Variants in TMEM132B observed in about 807,000 individuals in gnomAD.
TMEM132B encodes the protein transmembrane protein 132B.
A neutral mutation model predicts 90.8 loss-of-function variants in TMEM132B; 18 were observed. That is an observed-to-expected ratio of 0.20 (90% CI 0.14 to 0.29). The LOEUF (loss-of-function observed/expected upper bound fraction) is 0.29. Ranked by LOEUF, TMEM132B falls within the 10% of genes least tolerant of loss-of-function variation. The probability of loss-of-function intolerance (pLI) is 1.00; values close to 1 mark genes in which losing one functional copy is unlikely to be tolerated. For synonymous variants in TMEM132B, 504 were observed against 523.3 expected, an observed-to-expected ratio of 0.96 and a Z score of 0.50; for missense variants, 1,096 against 1,326.8, an observed-to-expected ratio of 0.83 and a Z score of 2.70.
intron 1 of TMEM132B, among the ~76,000 whole-genome samples, chr12:125,339,216 A>C (rs1481875024): frequency 6.6e-6 from 1 of 152,218 alleles, no homozygotes; most frequent in Non-Finnish European, 1.5e-5. Flanking sequence ...AAAGTACCAC[A>C]TATTGGGCCA....
At chr12:125,651,896 G>C (rs550680486) in intron 7 of TMEM132B, among the ~76,000 whole-genome samples, 113 of 152,298 alleles carry the variant, frequency 7.4e-4, no homozygotes, top group African/African-American at 2.6e-3. Flanking sequence ...TCACTCTGCT[G>C]CAAGGCCACC....
chr12:125,584,196 T>A (rs1300678511), intron 5 of TMEM132B: 1 of 656,378 alleles, frequency 1.5e-6, no homozygotes, highest in East Asian at 2.8e-5. Flanking sequence ...GCTGCTTCCC[T>A]CTCCCTGGAA....
intron 3 of TMEM132B, among the ~76,000 whole-genome samples, chr12:125,432,366 A>AAAATATATATAT (rs1199430670): frequency 8.4e-5 from 1 of 11,916 alleles, no homozygotes; most frequent in African/African-American, 2.7e-4. Flanking sequence ...GAATTCCTTG[A>AAAATATATATAT]ATATATATAT....
intron 1 of TMEM132B, among the ~76,000 whole-genome samples, chr12:125,215,788 C>T (rs181685284): frequency 1.4e-4 from 21 of 152,328 alleles, no homozygotes; most frequent in Admixed American, 1.2e-3. Context: ...GTGATCCACC[C>T]GCCTTGGCCT....
intron 5 of TMEM132B, among the ~76,000 whole-genome samples, chr12:125,605,388 A>G (rs1345355182): frequency 6.6e-6 from 1 of 152,206 alleles, no homozygotes; most frequent in Non-Finnish European, 1.5e-5. Context: ...GGCAACTGCA[A>G]CAAGTCTCTA....
At chr12:125,470,926 A>G (rs1473039698) in intron 3 of TMEM132B, among the ~76,000 whole-genome samples, 1 of 152,174 alleles carries the variant, frequency 6.6e-6, no homozygotes, top group Non-Finnish European at 1.5e-5. Context: ...CTCAGGGGAG[A>G]AAGACCCCCT....
chr12:125,415,644 C>G lies in TMEM132B; in HGVS notation c.1073C>G (p.Thr358Ser). ...AGCACTCAGACGTCGGCCACCCTCACCTGCATGGGCCATCGCCCGGACACG... is the reference window on the plus strand; with the variant it reads ...AGCACTCAGACGTCGGCCACCCTCAGCTGCATGGGCCATCGCCCGGACACG... ...NGSTQTSATL[T>S]CMGHRPDTQS... Residue 358 changes from threonine to serine, a missense_variant, in exon 3 of 9, where the codon ACC becomes AGC. Coordinates refer to ENST00000682704, the MANE Select transcript of TMEM132B (RefSeq NM_001366854.1). The surrounding 1 kb of genome is among the most constrained non-coding windows in gnomAD (Gnocchi z 5.3). 1 of 1,614,200 alleles carries G rather than the reference C, an allele frequency of 6.2e-7. No individual in the cohort carries two copies. The highest frequency in any genetic ancestry group is 8.5e-7 in the Non-Finnish European group (1 of 1,180,048).
At chr12:125,548,636 G>T (rs1314727011) in intron 4 of TMEM132B, among the ~76,000 whole-genome samples, 1 of 152,212 alleles carries the variant, frequency 6.6e-6, no homozygotes, top group Non-Finnish European at 1.5e-5. Context: ...AGGGGACATG[G>T]TAAAGATAAG....
rs1248412725 is a variant in TMEM132B at position 125,241,211 on chromosome 12, C to T, written c.67+54345C>T. Among the ~76,000 whole-genome samples the T allele has an allele frequency of 2.6e-5, 4 of 152,246 alleles. No individual in the cohort carries two copies. In the East Asian group the frequency reaches 5.8e-4, roughly 22 times the overall value. ...GAGATATGGTAATTTGCTTTTCCAACATGCTTAAATACCAAGATACAGTGG... is the reference window on the plus strand; with the variant it reads ...GAGATATGGTAATTTGCTTTTCCAATATGCTTAAATACCAAGATACAGTGG... On this transcript the variant is annotated intron_variant, in intron 1 of 8. Coordinates refer to ENST00000682704, the MANE Select transcript of TMEM132B (RefSeq NM_001366854.1).
At chr12:125,590,695 G>C (rs1885295224) in intron 5 of TMEM132B, among the ~76,000 whole-genome samples, 1 of 152,204 alleles carries the variant, frequency 6.6e-6, no homozygotes, top group South Asian at 2.1e-4. Flanking sequence ...TCTATCCGTA[G>C]GAGCTTACTA....
intron 2 of TMEM132B, among the ~76,000 whole-genome samples, chr12:125,387,272 T>C (rs2136295757): frequency 6.6e-6 from 1 of 152,346 alleles, no homozygotes; most frequent in East Asian, 1.9e-4. Context: ...TCAATAGCAC[T>C]GTAGCTTAGT....
At chr12:125,380,286 C>T (rs556454136) in intron 2 of TMEM132B, among the ~76,000 whole-genome samples, 4 of 152,290 alleles carry the variant, frequency 2.6e-5, no homozygotes, top group Admixed American at 2.6e-4. Flanking sequence ...CTGCCTCTGT[C>T]TTCACATTGT....
intron 1 of TMEM132B, among the ~76,000 whole-genome samples, chr12:125,298,503 G>A (rs750841355): frequency 6.6e-5 from 10 of 151,142 alleles, no homozygotes; most frequent in East Asian, 4.0e-4. Flanking sequence ...GTGAAACCCC[G>A]TCTCAAACAA....
chr12:125,495,810 C>G (rs998161413), intron 3 of TMEM132B, among the ~76,000 whole-genome samples: 1 of 152,194 alleles, frequency 6.6e-6, no homozygotes, highest in Non-Finnish European at 1.5e-5. Flanking sequence ...CACAAATGCA[C>G]TGGGATTAGT....
intron 4 of TMEM132B, among the ~76,000 whole-genome samples, chr12:125,569,043 A>G (rs904222145): frequency 6.6e-6 from 1 of 152,084 alleles, no homozygotes; most frequent in Non-Finnish European, 1.5e-5. Context: ...TGACCTCAAG[A>G]GGCTCAGTTT....
At chr12:125,405,992 G>T (rs1879463026) in intron 2 of TMEM132B, among the ~76,000 whole-genome samples, 1 of 152,156 alleles carries the variant, frequency 6.6e-6, no homozygotes, top group Admixed American at 6.5e-5. Flanking sequence ...TCTTCAGATG[G>T]TTGTGAATTC....
At chr12:125,307,645 G>A (rs976421067) in intron 1 of TMEM132B, among the ~76,000 whole-genome samples, 4 of 149,204 alleles carry the variant, frequency 2.7e-5, no homozygotes, top group African/African-American at 9.9e-5. Flanking sequence ...AGCATCCCAA[G>A]CCCCACGTCT....
At chr12:125,479,399 A>T (rs1371123534) in intron 3 of TMEM132B, among the ~76,000 whole-genome samples, 7 of 152,350 alleles carry the variant, frequency 4.6e-5, no homozygotes, top group African/African-American at 1.7e-4. Context: ...TAGGCTCAAA[A>T]TAAAGGGATG....
chr12:125,334,089 G>A lies in TMEM132B; in HGVS notation c.68-15363G>A, dbSNP rs928088066. ...GGCCCCTCTTTCAACTTCTCATGGT[G>A]TTTTTACTTGCTATTTAAGGCCATT... On this transcript the variant is annotated intron_variant, in intron 1 of 8. Transcript: ENST00000682704. Among the ~76,000 whole-genome samples, 3 of 152,042 alleles carry A rather than the reference G, an allele frequency of 2.0e-5. No homozygotes were observed. In the South Asian group the frequency reaches 6.2e-4, roughly 32 times the overall value.
Sources: gnomAD v4.1 joint callset for allele counts (sites outside exome capture counted in the v4.1 genomes callset) on GRCh38, gnomAD v4.1.1 for gene constraint, Gnocchi (gnomAD v3.1) non-coding constraint, MANE v1.5 for transcripts, NCBI Gene and HGNC (gene_info 2026-07-23, HGNC 2026-07-21) for gene names.